Variants in GSK3B observed in about 807,000 individuals in gnomAD.
The protein encoded by GSK3B is glycogen synthase kinase 3 beta.
In GSK3B, 15 loss-of-function variants were observed where a neutral mutation model predicts 56.4. The observed-to-expected ratio is 0.27, with a 90% confidence interval of 0.18 to 0.41. GSK3B has a LOEUF of 0.41. Ranked by LOEUF, GSK3B falls within the 10% of genes least tolerant of loss-of-function variation. The pLI is 1.00. For synonymous variants in GSK3B, 181 were observed against 188.9 expected (o/e 0.96, Z 0.34); for missense variants, 300 against 513.4 (o/e 0.58, Z 4.02).
intron 1 of GSK3B, among the ~76,000 whole-genome samples, chr3:120,064,219 T>C (rs1177450207): frequency 6.6e-6 from 1 of 151,772 alleles, no homozygotes; most frequent in African/African-American, 2.4e-5. Flanking sequence ...GAAAACCTTA[T>C]AACCCTAAAC....
At chr3:119,916,199 T>G in intron 4 of GSK3B, 25 bp from the exon 5 acceptor site, 1 of 1,566,246 alleles carries the variant, frequency 6.4e-7, no homozygotes, top group Non-Finnish European at 8.8e-7. Flanking sequence ...AGAAATTAAT[T>G]AAATACTTCC....
chr3:119,840,699 T>G lies in GSK3B; in HGVS notation c.1195+2556A>C, dbSNP rs113454600. Reference sequence around the variant, plus strand: ...GGTGACATACTTGGGCCTTCACTACTGCAGCGCCATAGAAAACTGTTTAAC... The same window carrying G: ...GGTGACATACTTGGGCCTTCACTACGGCAGCGCCATAGAAAACTGTTTAAC... On this transcript the variant is annotated intron_variant, in intron 10 of 10. Coordinates refer to ENST00000264235, the MANE Select transcript of GSK3B (RefSeq NM_001146156.2). 7.4e-3 allele frequency among the ~76,000 whole-genome samples: 1,124 copies of G among 152,298 alleles called. 15 individuals are homozygous for G. The highest frequency in any genetic ancestry group is 0.025 in the African/African-American group (1,036 of 41,554).
At chr3:120,049,074 A>AC (rs2058126449) in intron 1 of GSK3B, among the ~76,000 whole-genome samples, 1 of 152,214 alleles carries the variant, frequency 6.6e-6, no homozygotes, top group African/African-American at 2.4e-5. Context: ...TGAATGTCCA[A>AC]CCCTCCAAAA....
At chr3:119,855,221 T>A (rs895879353) in intron 9 of GSK3B, among the ~76,000 whole-genome samples, 2 of 152,092 alleles carry the variant, frequency 1.3e-5, no homozygotes, top group Non-Finnish European at 2.9e-5. Context: ...AACAGACACA[T>A]GAAAAAATGC....
chr3:119,889,808 TAAATTA>T (rs1244880972), intron 7 of GSK3B, among the ~76,000 whole-genome samples: 2 of 152,084 alleles, frequency 1.3e-5, no homozygotes, highest in African/African-American at 4.8e-5. Flanking sequence ...AAATGCACTT[TAAATTA>T]AAACACATAG....
At chr3:119,988,980 A>G (rs1349336169) in intron 2 of GSK3B, among the ~76,000 whole-genome samples, 2 of 152,144 alleles carry the variant, frequency 1.3e-5, no homozygotes, top group Non-Finnish European at 1.5e-5. Context: ...GTTGCCTAAC[A>G]TTTTTCAGTT....
intron 8 of GSK3B, among the ~76,000 whole-genome samples, chr3:119,873,175 C>T (rs2056269019): frequency 6.6e-6 from 1 of 152,090 alleles, no homozygotes; most frequent in East Asian, 1.9e-4. Flanking sequence ...TAGCCCAGGG[C>T]AACTTATTGG....
At chr3:119,995,284 G>A (rs966424104) in intron 2 of GSK3B, among the ~76,000 whole-genome samples, 38 of 151,906 alleles carry the variant, frequency 2.5e-4, no homozygotes, top group African/African-American at 9.2e-4. Context: ...CAGTAGCCGT[G>A]ACTTTACCAC....
Position 120,073,694 on chromosome 3 carries a change from G to A in GSK3B, c.88+19653C>T, listed in dbSNP as rs1240269778. Among the ~76,000 whole-genome samples, 3 of 152,060 alleles carry A rather than the reference G, an allele frequency of 2.0e-5. No homozygotes were observed. In the East Asian group the frequency reaches 5.8e-4, roughly 29 times the overall value. ...CTTATTCCCTCTCCAAATTATAAAG[G>A]CCATACAGTGGAGCAATTAAGAGAA... On this transcript the variant is annotated intron_variant, in intron 1 of 10. Coordinates refer to ENST00000264235, the MANE Select transcript of GSK3B (RefSeq NM_001146156.2).
intron 1 of GSK3B, among the ~76,000 whole-genome samples, chr3:120,064,781 T>C (rs896377979): frequency 5.3e-5 from 8 of 152,172 alleles, no homozygotes; most frequent in Admixed American, 4.6e-4. Context: ...CAAGACAGTG[T>C]AGTACTGGCA....
chr3:119,971,601 ATTTTTTTTTTTTTTTT>A (rs751790636), intron 2 of GSK3B, among the ~76,000 whole-genome samples: 6 of 83,842 alleles, frequency 7.2e-5, no homozygotes, highest in Admixed American at 2.9e-4. Flanking sequence ...ATTTGCAATA[ATTTTTTTTTTTTTTTT>A]TTTTTTTTTT....
At chr3:120,081,339 G>A (rs575792290) in intron 1 of GSK3B, among the ~76,000 whole-genome samples, 52 of 151,888 alleles carry the variant, frequency 3.4e-4, no homozygotes, top group Middle Eastern at 3.4e-3. Context: ...ACAAGATCAG[G>A]AGATAGAGAC....
chr3:120,073,272 C>G (rs2058343018), intron 1 of GSK3B, among the ~76,000 whole-genome samples: 1 of 149,386 alleles, frequency 6.7e-6, no homozygotes, highest in African/African-American at 2.5e-5. Flanking sequence ...GCCTGTAGTC[C>G]TAGCTAATTG....
chr3:119,959,731 G>A (rs1203654603), intron 2 of GSK3B, among the ~76,000 whole-genome samples: 1 of 151,658 alleles, frequency 6.6e-6, no homozygotes, highest in Non-Finnish European at 1.5e-5. Flanking sequence ...TGGCCAGGCT[G>A]GTCTTGAACT....
chr3:119,921,256 C>T (rs1213086684), intron 4 of GSK3B, among the ~76,000 whole-genome samples: 1 of 152,152 alleles, frequency 6.6e-6, no homozygotes, highest in Admixed American at 6.5e-5. Flanking sequence ...AACTATATCT[C>T]AGGGCACAAA....
At chr3:119,886,668 T>C (rs1370591728) in intron 7 of GSK3B, among the ~76,000 whole-genome samples, 1 of 152,132 alleles carries the variant, frequency 6.6e-6, no homozygotes, top group Non-Finnish European at 1.5e-5. Flanking sequence ...GTGGTACATA[T>C]ACACCATAGA....
chr3:119,914,847 TA>T (rs1262144093), intron 5 of GSK3B, among the ~76,000 whole-genome samples: 7 of 152,194 alleles, frequency 4.6e-5, no homozygotes, highest in Admixed American at 3.9e-4. Flanking sequence ...TGAATTGATG[TA>T]AAAGTATTAC....
At chr3:119,924,871 A>G (rs182483521) in intron 3 of GSK3B, among the ~76,000 whole-genome samples, 1 of 152,354 alleles carries the variant, frequency 6.6e-6, no homozygotes, top group Non-Finnish European at 1.5e-5. Flanking sequence ...GAGACTAGAT[A>G]GCCCACAAAG....
At chr3:119,844,394 G>A (rs142755684) in intron 9 of GSK3B, among the ~76,000 whole-genome samples, 3,917 of 150,808 alleles carry the variant, frequency 0.026, 173 homozygotes, top group African/African-American at 0.089. Context: ...GAATCCAGGA[G>A]CTGGTTTTTT....
Sources: allele counts gnomAD v4.1 joint callset (sites outside exome capture counted in the v4.1 genomes callset), GRCh38; gene constraint gnomAD v4.1.1; transcripts MANE v1.5; gene names NCBI Gene and HGNC (gene_info 2026-07-23, HGNC 2026-07-21).